The following TNKS2 variants were observed in gnomAD, a reference collection of about 807,000 sequenced individuals.
The protein encoded by TNKS2 is tankyrase 2, also known as poly [ADP-ribose] polymerase tankyrase-2.
TNKS2 carries 72 observed loss-of-function variants against 137.6 expected under a neutral mutation model. The ratio of observed to expected loss-of-function variants is 0.52; its 90% CI spans 0.43 to 0.64. The LOEUF (loss-of-function observed/expected upper bound fraction) is 0.64, where lower values mean the gene tolerates loss of function less well. Among genes scored for constraint, TNKS2 ranks in the 30% least tolerant of loss-of-function variants. The pLI, the probability that TNKS2 is intolerant of heterozygous loss-of-function variation, is 0.00. For synonymous variants in TNKS2, 516 were observed against 512.1 expected (o/e 1.01, Z -0.10); for missense variants, 1,049 against 1,410.2 (o/e 0.74, Z 4.10).
chr10:91,802,114 T>C (rs1347222374), intron 1 of TNKS2, among the ~76,000 whole-genome samples: 2 of 152,218 alleles, frequency 1.3e-5, no homozygotes, highest in African/African-American at 4.8e-5. Flanking sequence ...ATATTTATAG[T>C]ATGTTATGTT....
chr10:91,854,969 G>T, intron 21 of TNKS2, 60 bp from the exon 22 acceptor site: 1 of 895,982 alleles, frequency 1.1e-6, no homozygotes, highest in Non-Finnish European at 1.7e-6. Flanking sequence ...GTTATTTTTG[G>T]TTTTGATGTT....
In TNKS2 at chr10:91,820,888, G is replaced by A. The variant is rs371756981; in HGVS notation, c.728+855G>A. On this transcript the variant is annotated intron_variant, in intron 6 of 26. Coordinates refer to ENST00000371627, the MANE Select transcript of TNKS2 (RefSeq NM_025235.4). ...GATTTGTTGAATGGATACAATGAGC[G>A]AGGAATAAAAGGAAAACTACATTTC... Among the ~76,000 whole-genome samples the A allele has an allele frequency of 4.3e-4, 66 of 152,290 alleles. 1 individual carries two copies. The highest frequency in any genetic ancestry group is 1.5e-3 in the African/African-American group (61 of 41,558).
intron 7 of TNKS2, among the ~76,000 whole-genome samples, chr10:91,825,449 AG>A (rs1412986311): frequency 6.6e-6 from 1 of 152,170 alleles, no homozygotes; most frequent in Non-Finnish European, 1.5e-5. Flanking sequence ...TATTTAGTTG[AG>A]GGCCACCATG....
intron 9 of TNKS2, 37 bp from the exon 10 acceptor site, chr10:91,830,886 A>G (rs1484476486): frequency 1.3e-6 from 2 of 1,482,008 alleles, no homozygotes; most frequent in Non-Finnish European, 1.9e-6. Context: ...TCAGTTATGT[A>G]TAGTCCTTGA....
At chr10:91,822,492 CATT>C in intron 7 of TNKS2, 130 bp downstream of exon 7, 2 of 678,954 alleles carry the variant, frequency 2.9e-6, no homozygotes, top group Non-Finnish European at 4.9e-6. Flanking sequence ...TATTTATAAG[CATT>C]ATAAAATATA....
chr10:91,816,157 C>T (rs1844689334), intron 2 of TNKS2, among the ~76,000 whole-genome samples: 1 of 151,918 alleles, frequency 6.6e-6, no homozygotes, highest in South Asian at 2.1e-4. Context: ...ACCATGTTAG[C>T]CAGGATGGTC....
intron 18 of TNKS2, 65 bp downstream of exon 18, chr10:91,846,005 A>G: frequency 7.3e-7 from 1 of 1,376,236 alleles, no homozygotes; most frequent in Non-Finnish European, 9.6e-7. Flanking sequence ...ACTTGATGTT[A>G]TTATAAAATG....
chr10:91,854,445 T>C (rs1842643017), intron 21 of TNKS2, among the ~76,000 whole-genome samples: 1 of 152,118 alleles, frequency 6.6e-6, no homozygotes, highest in African/African-American at 2.4e-5. Context: ...GTGGGGAAAC[T>C]AGTGAAAAAA....
intron 25 of TNKS2, among the ~76,000 whole-genome samples, chr10:91,860,024 T>G (rs1842812161): frequency 6.6e-6 from 1 of 152,132 alleles, no homozygotes; most frequent in South Asian, 2.1e-4. Flanking sequence ...CAAATCTAAT[T>G]ATTTGATGGC....
chr10:91,831,831 G>T (rs1034869164), intron 11 of TNKS2, among the ~76,000 whole-genome samples: 2 of 152,060 alleles, frequency 1.3e-5, no homozygotes, highest in African/African-American at 4.8e-5. Context: ...ACCTAATTCA[G>T]CAGTTTTTAC....
intron 20 of TNKS2, among the ~76,000 whole-genome samples, chr10:91,850,754 G>A (rs1042935757): frequency 3.3e-5 from 5 of 152,224 alleles, no homozygotes; most frequent in African/African-American, 7.2e-5. Context: ...AGAAGGAAAG[G>A]ATTACCGTGA....
At chr10:91,820,942 AC>A (rs1169234509) in intron 6 of TNKS2, among the ~76,000 whole-genome samples, 4 of 152,262 alleles carry the variant, frequency 2.6e-5, no homozygotes, top group Non-Finnish European at 4.4e-5. Flanking sequence ...ATCCAGTGAT[AC>A]ACATACGAAA....
intron 21 of TNKS2, among the ~76,000 whole-genome samples, chr10:91,852,683 A>G (rs551077883): frequency 6.6e-6 from 1 of 152,364 alleles, no homozygotes; most frequent in East Asian, 1.9e-4. Flanking sequence ...TCCTGGCTGT[A>G]CACCTGGGGT....
chr10:91,845,832 C>T lies in TNKS2; in HGVS notation c.2250C>T (p.His750=), dbSNP rs375987433. 43 of 1,609,390 alleles carry T rather than the reference C, an allele frequency of 2.7e-5. No individual in the cohort carries two copies. Among genetic ancestry groups the T allele is most frequent in the Admixed American group, 1.0e-4 (6 of 59,886 alleles). Reference sequence around the variant, plus strand: ...ACAAATGGGCTTTCACACCTTTGCACGAAGCAGCCCAAAAGGGACGAACAC... The same window carrying T: ...ACAAATGGGCTTTCACACCTTTGCATGAAGCAGCCCAAAAGGGACGAACAC... ...ATDKWAFTPL[H]EAAQKGRTQL... is the part of the protein sequence containing the mutation. Residue 750 remains histidine (H), a synonymous_variant, in exon 18 of 27, where the codon CAC becomes CAT. Coordinates refer to ENST00000371627, the MANE Select transcript of TNKS2 (RefSeq NM_025235.4).
Position 91,859,603 on chromosome 10 carries a change from C to G in TNKS2, c.3236C>G (p.Thr1079Ser). 1.2e-6 allele frequency: 2 copies of G among 1,613,334 alleles called. No individual in the cohort carries two copies. The highest frequency in any genetic ancestry group is 1.7e-6 in the Non-Finnish European group (2 of 1,179,776). Residue 1079 changes from threonine (T) to serine (S), a missense_variant, in exon 25 of 27, where the codon ACT (threonine) becomes AGT (serine). Physicochemically the swap from Thr to Ser is moderately conservative, Grantham distance 58. This residue lies in a region of TNKS2 where 133 missense variants were observed against 248.4 expected (regional missense o/e 0.54). Coordinates refer to ENST00000371627, the MANE Select transcript of TNKS2 (RefSeq NM_025235.4). ...NQYVYGIGGGTGCPVHKDRSC... is the reference protein window; with the variant it reads ...NQYVYGIGGGSGCPVHKDRSC... ...TATGTATATGGAATTGGAGGAGGTA[C>G]TGGGTGTCCAGTTCACAAAGACAGA...
chr10:91,799,626 A>G (rs909824632), intron 1 of TNKS2, among the ~76,000 whole-genome samples: 1 of 152,234 alleles, frequency 6.6e-6, no homozygotes, highest in African/African-American at 2.4e-5. Flanking sequence ...GATCGTTTGA[A>G]TTACATTATT....
At chr10:91,812,120 C>G (rs1270099033) in intron 1 of TNKS2, among the ~76,000 whole-genome samples, 3 of 151,968 alleles carry the variant, frequency 2.0e-5, no homozygotes, top group East Asian at 3.9e-4. Context: ...GTTCCTTTCT[C>G]TCTACCCAAA....
chr10:91,812,681 T>G, intron 1 of TNKS2: 1 of 699,988 alleles, frequency 1.4e-6, no homozygotes, highest in Non-Finnish European at 1.8e-6. Context: ...TATTGTAGAG[T>G]GAGAAACATT....
At chr10:91,802,240 A>C (rs1042875384) in intron 1 of TNKS2, among the ~76,000 whole-genome samples, 2 of 152,132 alleles carry the variant, frequency 1.3e-5, no homozygotes, top group East Asian at 3.8e-4. Context: ...TATTCAGAGG[A>C]GGAAAGTGGA....
Sources: allele counts gnomAD v4.1 joint callset (sites outside exome capture counted in the v4.1 genomes callset), GRCh38; gene constraint gnomAD v4.1.1; regional missense constraint gnomAD v4.1.1; transcripts MANE v1.5; gene names NCBI Gene and HGNC (gene_info 2026-07-23, HGNC 2026-07-21).